Variants in FAM107B observed in about 807,000 individuals in gnomAD.
FAM107B encodes family with sequence similarity 107 member B, also known as protein FAM107B.
A neutral mutation model predicts 31.5 loss-of-function variants in FAM107B; 21 were observed. The observed-to-expected ratio is 0.67, with a 90% CI of 0.47 to 0.96. The LOEUF (loss-of-function observed/expected upper bound fraction) is 0.96. Ranked by LOEUF, FAM107B falls within the 40% of genes least tolerant of loss-of-function variation. The pLI, the probability that FAM107B is intolerant of heterozygous loss-of-function variation, is 0.00. For synonymous variants in FAM107B, 157 were observed against 141.5 expected (o/e 1.11, Z -0.78); for missense variants, 452 against 377.1 (o/e 1.20, Z -1.64).
chr10:14,620,475 C>G (rs994500648), intron 2 of FAM107B, among the ~76,000 whole-genome samples: 1 of 152,042 alleles, frequency 6.6e-6, no homozygotes, highest in Admixed American at 6.5e-5. Flanking sequence ...TTGTACTAGG[C>G]CCTTTGCTTT....
At chr10:14,536,750 A>G (rs1450891213) in intron 2 of FAM107B, among the ~76,000 whole-genome samples, 3 of 152,188 alleles carry the variant, frequency 2.0e-5, no homozygotes, top group African/African-American at 7.2e-5. Flanking sequence ...GCGTAAGTGC[A>G]GAGACGTTAT....
intron 1 of FAM107B, among the ~76,000 whole-genome samples, chr10:14,773,724 T>C (rs1833356025): frequency 6.6e-6 from 1 of 152,176 alleles, no homozygotes. Context: ...ATATTATGAA[T>C]AGTTTTATAG....
At chr10:14,770,255 T>A (rs1195672317) in intron 1 of FAM107B, among the ~76,000 whole-genome samples, 1 of 152,152 alleles carries the variant, frequency 6.6e-6, no homozygotes, top group Admixed American at 6.5e-5. Context: ...CCTGGCGCGG[T>A]GGCTCACACC....
intron 1 of FAM107B, among the ~76,000 whole-genome samples, chr10:14,683,389 G>GT (rs1854889753): frequency 2.0e-5 from 3 of 152,174 alleles, no homozygotes; most frequent in Admixed American, 6.5e-5. Flanking sequence ...ACAAACCATT[G>GT]TGTGTTTCAA....
At chr10:14,530,275 A>G (rs999908762) in intron 3 of FAM107B, 57 bp downstream of exon 3, 9 of 1,486,848 alleles carry the variant, frequency 6.1e-6, no homozygotes, top group Non-Finnish European at 8.2e-6. Context: ...TTAAAATTAG[A>G]TATCATGATC....
In FAM107B at chr10:14,774,554, C is replaced by T. The variant is rs1833378913; in HGVS notation, c.110G>A (p.Ser37Asn). 3.7e-6 allele frequency: 6 copies of T among 1,614,086 alleles called. No individual in the cohort carries two copies. The highest frequency in any genetic ancestry group is 5.1e-6 in the Non-Finnish European group (6 of 1,180,042). The change falls in exon 1 of 5, where the codon AGT (serine) becomes AAT (asparagine). Residue 37 changes from serine to asparagine, a missense_variant. Physicochemically the swap from Ser to Asn is conservative, Grantham distance 46. Transcript: ENST00000181796. ...CACGCCGGACTGATTGAAGGAAGCA[C>T]TCTCCCTCGTATTCCCAAAACAGGC... ...LLACFGNTRE[S>N]ASFNQSGVAD...
intron 1 of FAM107B, among the ~76,000 whole-genome samples, chr10:14,762,956 A>G (rs1224232585): frequency 6.6e-6 from 1 of 152,066 alleles, no homozygotes; most frequent in African/African-American, 2.4e-5. Flanking sequence ...TATTCATGCA[A>G]TGAGCTACTA....
At chr10:14,687,888 C>T (rs1446698866) in intron 1 of FAM107B, among the ~76,000 whole-genome samples, 1 of 152,178 alleles carries the variant, frequency 6.6e-6, no homozygotes, top group Non-Finnish European at 1.5e-5. Flanking sequence ...CACATACACA[C>T]AAATGCGCTG....
chr10:14,565,727 G>A (rs1850608232), intron 2 of FAM107B, among the ~76,000 whole-genome samples: 1 of 152,160 alleles, frequency 6.6e-6, no homozygotes, highest in African/African-American at 2.4e-5. Flanking sequence ...TGGCAAAAGT[G>A]TCCTCAAAAT....
intron 2 of FAM107B, chr10:14,548,468 C>A: frequency 7.1e-6 from 7 of 985,760 alleles, no homozygotes; most frequent in Admixed American, 6.1e-5. Context: ...AAGCGCAGGG[C>A]TCCTCTGCAG....
intron 3 of FAM107B, among the ~76,000 whole-genome samples, chr10:14,523,010 C>T (rs1389256185): frequency 6.6e-6 from 1 of 152,174 alleles, no homozygotes; most frequent in Admixed American, 6.5e-5. Flanking sequence ...AATTAGGCTA[C>T]CATCTCTCCA....
At chr10:14,628,179 C>T (rs1190106882) in intron 2 of FAM107B, among the ~76,000 whole-genome samples, 6 of 135,060 alleles carry the variant, frequency 4.4e-5, no homozygotes, top group Non-Finnish European at 9.2e-5. Context: ...TGCAGTGGCG[C>T]GATCTCAGGT....
At chr10:14,710,939 G>A (rs796695154) in intron 1 of FAM107B, among the ~76,000 whole-genome samples, 7 of 152,040 alleles carry the variant, frequency 4.6e-5, no homozygotes, top group African/African-American at 1.2e-4. Context: ...TTGAGATGGA[G>A]TATTGCTCTG....
At chr10:14,630,228 C>T (rs1358311067) in intron 2 of FAM107B, among the ~76,000 whole-genome samples, 2 of 142,272 alleles carry the variant, frequency 1.4e-5, no homozygotes, top group South Asian at 2.2e-4. Flanking sequence ...CCATATACAA[C>T]ATTAAGACAT....
At chr10:14,633,078 A>G (rs921956355) in intron 2 of FAM107B, among the ~76,000 whole-genome samples, 12 of 152,196 alleles carry the variant, frequency 7.9e-5, no homozygotes, top group Admixed American at 2.0e-4. Flanking sequence ...GCATGCCTGT[A>G]ATCCCAGCTA....
At chr10:14,713,921 C>A (rs181171614) in intron 1 of FAM107B, among the ~76,000 whole-genome samples, 25 of 152,146 alleles carry the variant, frequency 1.6e-4, no homozygotes, top group African/African-American at 5.8e-4. Context: ...GGTGAATTAA[C>A]ACAGAAATAG....
chr10:14,676,631 C>A (rs1321488119), intron 1 of FAM107B, among the ~76,000 whole-genome samples: 2 of 152,160 alleles, frequency 1.3e-5, no homozygotes, highest in Non-Finnish European at 2.9e-5. Context: ...AGCCCCACCT[C>A]CGTCTGAAGC....
intron 1 of FAM107B, among the ~76,000 whole-genome samples, chr10:14,756,858 C>T (rs1439152951): frequency 6.6e-6 from 1 of 152,104 alleles, no homozygotes; most frequent in East Asian, 1.9e-4. Context: ...ATGTCATTTG[C>T]AGGGACATGG....
At chr10:14,533,438 G>A (rs542921790) in intron 2 of FAM107B, among the ~76,000 whole-genome samples, 6 of 152,240 alleles carry the variant, frequency 3.9e-5, no homozygotes, top group Admixed American at 6.5e-5. Context: ...AGGACGTGTC[G>A]AGTCTGAGAC....
Sources: gnomAD v4.1 joint callset for allele counts (sites outside exome capture counted in the v4.1 genomes callset) on GRCh38, gnomAD v4.1.1 for gene constraint, MANE v1.5 for transcripts, NCBI Gene and HGNC (gene_info 2026-07-23, HGNC 2026-07-21) for gene names.